XKR5: variants seen among roughly 807,000 people sequenced by gnomAD.
XKR5 encodes XK-related protein 5.
Under a neutral mutation model 40.8 loss-of-function variants are expected in XKR5, and 46 were observed. The observed-to-expected ratio is 1.13, with a 90% CI of 0.89 to 1.44. The LOEUF (loss-of-function observed/expected upper bound fraction) is 1.44, where lower values mean the gene tolerates loss of function less well. Ranked by LOEUF, XKR5 falls within the 40% of genes most tolerant of loss-of-function variation. The pLI, the probability that XKR5 is intolerant of heterozygous loss-of-function variation, is 0.00. For missense variants in XKR5, 1,169 were observed against 844.7 expected (o/e 1.38, Z -4.76); for synonymous variants, 466 against 356.1 (o/e 1.31, Z -3.48).
Position 6,821,983 on chromosome 8 carries a change from GA to G in XKR5, c.692del (p.Ile231ThrfsTer67). On this transcript the variant is annotated frameshift_variant, in exon 5 of 7. Coordinates refer to ENST00000618742, the MANE Select transcript of XKR5 (RefSeq NM_207411.5). LOFTEE classifies it high-confidence loss of function. ...FWLVAQQSDIIDSTCHWRLFN... is the reference protein window; with the variant it reads ...FWLVAQQSDIXDSTCHWRLFN... ...ACAGCCTCCAGTGGCAGGTGCTGTC[GA>G]TGATGTCACTCTGCTGGGCGACAAG... 12 of 1,606,842 alleles carry G rather than the reference GA, an allele frequency of 7.5e-6. No individual in the cohort carries two copies. In the South Asian group the frequency reaches 1.3e-4, roughly 18 times the overall value.
chr8:6,811,910 G>A lies in XKR5; in HGVS notation c.1349C>T (p.Ser450Phe), dbSNP rs995958996. ...TGAGGATGGGAGCTCTTGCTGGGCAGACAAGGCCTTTCTCTGCAGGTAGTC... is the reference window on the plus strand; with the variant it reads ...TGAGGATGGGAGCTCTTGCTGGGCAAACAAGGCCTTTCTCTGCAGGTAGTC... ...QQDYLQRKALSAQQELPSSSR... is the reference protein window; with the variant it reads ...QQDYLQRKALFAQQELPSSSR... The change falls in exon 7 of 7, where the codon TCT becomes TTT. Residue 450 changes from serine (S) to phenylalanine (F), a missense_variant. Physicochemically the swap from Ser to Phe is radical, Grantham distance 155 (BLOSUM62 -2). Coordinates refer to ENST00000618742, the MANE Select transcript of XKR5 (RefSeq NM_207411.5). The A allele has an allele frequency of 4.6e-6, 7 of 1,537,320 alleles. No individual in the cohort carries two copies. In the African/African-American group the frequency reaches 9.6e-5, roughly 21 times the overall value.
At chr8:6,824,233 C>T (rs1587183755) in intron 3 of XKR5, among the ~76,000 whole-genome samples, 1 of 145,698 alleles carries the variant, frequency 6.9e-6, no homozygotes, top group African/African-American at 2.5e-5. Context: ...ATATGTGAAG[C>T]ATTTAATTTG....
rs1297435975 is a variant in XKR5, at chr8:6,811,188, A to T, written c.*10T>A. ...TGTCAGCCTGTTGTCTTATCCCACC[A>T]TGACTGTGGTCAGATGAAAAAACTC... On this transcript the variant is annotated 3_prime_UTR_variant, in exon 7 of 7. Transcript: ENST00000618742. 9 of 1,530,232 alleles carry T rather than the reference A, an allele frequency of 5.9e-6. No homozygotes were observed. Among genetic ancestry groups the T allele is most frequent in the African/African-American group, 2.7e-5 (2 of 72,886 alleles). 94.8% of individuals were successfully genotyped at this position (1,530,232 alleles called of 1,614,324 possible).
At chr8:6,832,939 G>A in intron 1 of XKR5, 39 bp from the exon 2 acceptor site, 11 of 1,496,714 alleles carry the variant, frequency 7.3e-6, no homozygotes, top group Non-Finnish European at 9.8e-6. Flanking sequence ...TTGTTGGAAG[G>A]CTGGAGTGAG....
chr8:6,828,612 G>A (rs1804625767), intron 2 of XKR5, among the ~76,000 whole-genome samples: 2 of 152,198 alleles, frequency 1.3e-5, no homozygotes, highest in Admixed American at 6.5e-5. Context: ...TAGGTCCTAT[G>A]AGATGGTGTC....
rs964393804 is a variant in XKR5, at chr8:6,831,516, C to T, written c.242+1201G>A. On this transcript the variant is annotated intron_variant, in intron 2 of 6. Coordinates refer to ENST00000618742, the MANE Select transcript of XKR5 (RefSeq NM_207411.5). ...GCGGGACGGCACCATTCCCTGCTCA[C>T]AGTGATGCTCTATGTGGGGCTCATC... Among the ~76,000 whole-genome samples the T allele has an allele frequency of 7.9e-5, 12 of 152,184 alleles. 1 individual carries two copies. The highest frequency in any genetic ancestry group is 2.9e-4 in the African/African-American group (12 of 41,444).
chr8:6,829,516 ATATT>A (rs370961531), intron 2 of XKR5, among the ~76,000 whole-genome samples: 2 of 152,046 alleles, frequency 1.3e-5, no homozygotes, highest in East Asian at 1.9e-4. Context: ...TTGCCTTTTT[ATATT>A]TATTTATTTA....
chr8:6,830,354 T>C (rs73186378), intron 2 of XKR5, among the ~76,000 whole-genome samples: 1 of 152,350 alleles, frequency 6.6e-6, no homozygotes, highest in Non-Finnish European at 1.5e-5. Flanking sequence ...TCACTCAGTG[T>C]TGTCTTTGAA....
rs1803545106 is a variant in XKR5 at position 6,808,658 on chromosome 8, C to T, written c.*2540G>A. On this transcript the variant is annotated 3_prime_UTR_variant, in exon 7 of 7. Transcript: ENST00000618742. ...GAGAAGCCGATGTTGGTCCACAGGG[C>T]CTCGAACAGCAAGTACATGCCTTGA... is the stretch of plus-strand genomic sequence containing the variant. The T allele has an allele frequency of 6.6e-6, 1 of 152,144 alleles. No homozygotes were observed. The highest frequency in any genetic ancestry group is 6.5e-5 in the Admixed American group (1 of 15,276). 9.4% of individuals were successfully genotyped at this position (152,144 alleles called of 1,614,324 possible).
intron 2 of XKR5, among the ~76,000 whole-genome samples, chr8:6,831,216 GC>G (rs201256996): frequency 0.022 from 3,345 of 152,300 alleles, 55 homozygotes; most frequent in Middle Eastern, 0.041. Flanking sequence ...GACAATGGCA[GC>G]TAGGGCACAG....
chr8:6,811,264 A>C lies in XKR5; in HGVS notation c.1995T>G (p.Ser665=). The part of the protein sequence containing the change: ...HEPCLTSTPK[S]ESIQTDCSCR... Reference sequence around the variant, plus strand: ...AGCTGCAGTCCGTTTGGATAGACTCAGACTTAGGGGTGGACGTGAGGCAGG... The same window carrying C: ...AGCTGCAGTCCGTTTGGATAGACTCCGACTTAGGGGTGGACGTGAGGCAGG... The change falls in exon 7 of 7, where the codon TCT becomes TCG. Residue 665 remains serine, a synonymous_variant. Coordinates refer to ENST00000618742, the MANE Select transcript of XKR5 (RefSeq NM_207411.5). 2 of 1,537,290 alleles carry C rather than the reference A, an allele frequency of 1.3e-6. No individual in the cohort carries two copies. The highest frequency in any genetic ancestry group is 1.7e-6 in the Non-Finnish European group (2 of 1,146,928).
rs569988111 is a variant in XKR5 at position 6,817,753 on chromosome 8, C to T, written c.808-1835G>A. On this transcript the variant is annotated intron_variant, in intron 5 of 6. Coordinates refer to ENST00000618742, the MANE Select transcript of XKR5 (RefSeq NM_207411.5). ...CGCTGCGCTCTGAGATATACATCCT[C>T]TATTACCCAGAACTGTCTCCTCAAG... Among the ~76,000 whole-genome samples the T allele has an allele frequency of 2.6e-5, 4 of 152,372 alleles. No individual in the cohort carries two copies. The South Asian group carries it at 8.3e-4, about 32-fold the overall frequency.
chr8:6,830,555 T>C (rs879605061), intron 2 of XKR5, among the ~76,000 whole-genome samples: 1 of 152,372 alleles, frequency 6.6e-6, no homozygotes, highest in African/African-American at 2.4e-5. Context: ...CCGCTTCCGA[T>C]AGCTGTGCAT....
At position 6,825,232 on chromosome 8, in the gene XKR5, C is replaced by CTGCA; in HGVS notation, c.356_359dup (p.Gln120HisfsTer111). On this transcript the variant is annotated frameshift_variant, in exon 3 of 7. Coordinates refer to ENST00000618742, the MANE Select transcript of XKR5 (RefSeq NM_207411.5). LOFTEE classifies it high-confidence loss of function. ...TCTGAAGCAGCAGGTGGGGCCCAGT[C>CTGCA]TGCAGCAGGGCCTCCAAGAGTCGAA... 1 of 1,613,058 alleles carries CTGCA rather than the reference C, an allele frequency of 6.2e-7. No individual in the cohort carries two copies. The highest frequency in any genetic ancestry group is 8.5e-7 in the Non-Finnish European group (1 of 1,179,588).
chr8:6,830,058 G>A (rs568001766), intron 2 of XKR5, among the ~76,000 whole-genome samples: 1 of 151,690 alleles, frequency 6.6e-6, no homozygotes, highest in African/African-American at 2.4e-5. Context: ...AGGATGGTCT[G>A]GATCTCCTGA....
At chr8:6,829,038 A>G (rs978140726) in intron 2 of XKR5, 1 of 152,272 alleles carries the variant, frequency 6.6e-6, no homozygotes, top group African/African-American at 2.4e-5. Context: ...CATTGATGGA[A>G]ATCGCAACAG....
intron 2 of XKR5, among the ~76,000 whole-genome samples, chr8:6,826,519 G>T (rs1481515327): frequency 6.6e-6 from 1 of 152,154 alleles, no homozygotes; most frequent in East Asian, 1.9e-4. Flanking sequence ...GGGGAGATGA[G>T]GGAAGTTGCA....
chr8:6,823,487 A>T, intron 4 of XKR5, 34 bp downstream of exon 4: 2 of 1,554,794 alleles, frequency 1.3e-6, no homozygotes, highest in Non-Finnish European at 1.7e-6. Flanking sequence ...TTGGTTATGC[A>T]GCAACAGATG....
intron 2 of XKR5, among the ~76,000 whole-genome samples, chr8:6,829,801 G>C (rs1162326061): frequency 2.0e-5 from 3 of 147,430 alleles, no homozygotes; most frequent in Non-Finnish European, 3.0e-5. Context: ...ACAGGTGTGA[G>C]CCGTCACGCC....
Sources: gnomAD v4.1 joint callset for allele counts (sites outside exome capture counted in the v4.1 genomes callset) on GRCh38, gnomAD v4.1.1 for gene constraint, MANE v1.5 for transcripts, NCBI Gene and HGNC (gene_info 2026-07-23, HGNC 2026-07-21) for gene names.